Variants in NXPE3 observed in about 807,000 individuals in gnomAD.
NXPE3 encodes neurexophilin and PC-esterase domain family member 3.
Under a neutral mutation model 46.1 loss-of-function variants are expected in NXPE3, and 26 were observed. That is an observed-to-expected ratio of 0.56 (90% CI 0.41 to 0.78). NXPE3 has a LOEUF of 0.78. NXPE3 is among the 30% of genes least tolerant of loss of function. NXPE3 has a pLI of 0.00. For missense variants in NXPE3, 620 were observed against 686.0 expected, an observed-to-expected ratio of 0.90 and a Z score of 1.07; for synonymous variants, 272 against 257.9, an observed-to-expected ratio of 1.05 and a Z score of -0.52.
At chr3:101,805,487 G>T (rs928285668) in intron 5 of NXPE3, among the ~76,000 whole-genome samples, 1 of 151,344 alleles carries the variant, frequency 6.6e-6, no homozygotes, top group Admixed American at 6.6e-5. Flanking sequence ...GGGGTGCGGT[G>T]CAGTGATCTC....
intron 1 of NXPE3, among the ~76,000 whole-genome samples, chr3:101,780,751 A>G (rs1939771130): frequency 6.6e-6 from 1 of 152,194 alleles, no homozygotes; most frequent in African/African-American, 2.4e-5. Flanking sequence ...TGTGACTTAT[A>G]TAACTGATTT....
At chr3:101,784,704 T>C (rs1200798911) in intron 3 of NXPE3, among the ~76,000 whole-genome samples, 2 of 152,320 alleles carry the variant, frequency 1.3e-5, no homozygotes, top group South Asian at 2.1e-4. Context: ...CACTGCTGAC[T>C]CTGAAGTCCT....
chr3:101,798,935 T>G (rs1940993682), intron 4 of NXPE3, among the ~76,000 whole-genome samples: 1 of 152,014 alleles, frequency 6.6e-6, no homozygotes, highest in Non-Finnish European at 1.5e-5. Flanking sequence ...TTAATTTATA[T>G]TTATTTATTT....
In NXPE3 at chr3:101,827,507, G is replaced by C. The variant is rs1470460368; in HGVS notation, c.*5553G>C. On this transcript the variant is annotated 3_prime_UTR_variant, in exon 8 of 8. Coordinates refer to ENST00000273347, the MANE Select transcript of NXPE3 (RefSeq NM_145037.4). ...GTATTGTAAAAGCTATATGGTAAAA[G>C]GTAACTCCCTCCACCCGCCCACTGC... 1 of 152,320 alleles carries C rather than the reference G, an allele frequency of 6.6e-6. No homozygotes were observed. Among genetic ancestry groups the C allele is most frequent in the East Asian group, 1.9e-4 (1 of 5,180 alleles). 9.4% of individuals were successfully genotyped at this position (152,320 alleles called of 1,614,324 possible).
At chr3:101,820,356 T>A (rs1014015500) in intron 7 of NXPE3, among the ~76,000 whole-genome samples, 3 of 152,110 alleles carry the variant, frequency 2.0e-5, no homozygotes, top group Non-Finnish European at 4.4e-5. Flanking sequence ...GAATGGCTAT[T>A]ATTAAAAAGC....
chr3:101,789,314 CA>C (rs1250620644), intron 4 of NXPE3, among the ~76,000 whole-genome samples: 1 of 152,142 alleles, frequency 6.6e-6, no homozygotes, highest in Non-Finnish European at 1.5e-5. Context: ...GAGGCTGAGA[CA>C]GGAGGATCAC....
intron 4 of NXPE3, 96 bp from the exon 5 acceptor site, chr3:101,801,139 A>G: frequency 1.5e-6 from 2 of 1,313,518 alleles, no homozygotes; most frequent in Non-Finnish European, 2.1e-6. Context: ...TCCTGGAGCT[A>G]AAACTCACAG....
Position 101,826,991 on chromosome 3 carries a change from C to G in NXPE3, c.*5037C>G, listed in dbSNP as rs892010941. 4.6e-5 allele frequency: 7 copies of G among 152,242 alleles called. No homozygotes were observed. The highest frequency in any genetic ancestry group is 1.0e-4 in the Non-Finnish European group (7 of 68,148). The allele number at this position is 152,242 out of a possible 1,614,324, so 9.4% of individuals were successfully genotyped here. ...GAGGTTGCAGTGAGCCGAGATCATGCCATTGCACTCTAGCCTGGGCAACGA... is the reference window on the plus strand; with the variant it reads ...GAGGTTGCAGTGAGCCGAGATCATGGCATTGCACTCTAGCCTGGGCAACGA... On this transcript the variant is annotated 3_prime_UTR_variant, in exon 8 of 8. Transcript: ENST00000273347.
At chr3:101,785,763 A>T (rs1205046406) in intron 4 of NXPE3, 74 bp downstream of exon 4, 33 of 1,267,246 alleles carry the variant, frequency 2.6e-5, no homozygotes, top group Non-Finnish European at 3.7e-5. Context: ...GCCTGGGAAA[A>T]CGTTGGTTAT....
At position 101,824,070 on chromosome 3, in the gene NXPE3, C is replaced by T. The variant is rs911218234; in HGVS notation, c.*2116C>T. On this transcript the variant is annotated 3_prime_UTR_variant, in exon 8 of 8. Coordinates refer to ENST00000273347, the MANE Select transcript of NXPE3 (RefSeq NM_145037.4). ...GAGCCTTGATTGTGCCACTGTACTCCAGTCTGGGCAACAGGGCAAGACCCT... is the reference window on the plus strand; with the variant it reads ...GAGCCTTGATTGTGCCACTGTACTCTAGTCTGGGCAACAGGGCAAGACCCT... The T allele has an allele frequency of 6.8e-6, 1 of 147,956 alleles. No individual in the cohort carries two copies. The highest frequency in any genetic ancestry group is 1.5e-5 in the Non-Finnish European group (1 of 67,734). 9.2% of individuals were successfully genotyped at this position (147,956 alleles called of 1,614,324 possible).
chr3:101,815,763 C>T (rs985686011), intron 6 of NXPE3, among the ~76,000 whole-genome samples: 4 of 152,004 alleles, frequency 2.6e-5, no homozygotes, highest in Admixed American at 1.3e-4. Context: ...CTTTGGGAGG[C>T]CGAGGTGGGT....
intron 5 of NXPE3, among the ~76,000 whole-genome samples, chr3:101,806,196 C>G (rs527728109): frequency 5.3e-5 from 8 of 152,118 alleles, no homozygotes; most frequent in Non-Finnish European, 1.2e-4. Flanking sequence ...ACAGTTTTTT[C>G]TGAAATTGAT....
intron 3 of NXPE3, among the ~76,000 whole-genome samples, chr3:101,784,151 A>C (rs1402766428): frequency 6.6e-6 from 1 of 152,210 alleles, no homozygotes; most frequent in African/African-American, 2.4e-5. Context: ...GTAAAGAACT[A>C]AGTACCTTGA....
At chr3:101,812,208 A>G (rs1941742872) in intron 6 of NXPE3, among the ~76,000 whole-genome samples, 1 of 152,206 alleles carries the variant, frequency 6.6e-6, no homozygotes, top group Non-Finnish European at 1.5e-5. Flanking sequence ...AAGCTATTTT[A>G]TTTTTAAAAA....
Position 101,812,539 on chromosome 3 carries a change from C to T in NXPE3, c.923-4256C>T, listed in dbSNP as rs114866655. The stretch of plus-strand genomic sequence containing the variant: ...TTTAAAAGGTATTTCGACGGCCGGG[C>T]GCAGTGGCTCATGCCTGTAATCCCA... On this transcript the variant is annotated intron_variant, in intron 6 of 7. Coordinates refer to ENST00000273347, the MANE Select transcript of NXPE3 (RefSeq NM_145037.4). 6.8e-3 allele frequency among the ~76,000 whole-genome samples: 1,028 copies of T among 151,984 alleles called. 16 individuals carry two copies. Among genetic ancestry groups the T allele is most frequent in the African/African-American group, 0.023 (957 of 41,478 alleles).
At chr3:101,785,296 T>G (rs1940089925) in intron 3 of NXPE3, 106 bp from the exon 4 acceptor site, 1 of 256,464 alleles carries the variant, frequency 3.9e-6, no homozygotes, top group South Asian at 5.6e-5. Context: ...TCCTTGTGAC[T>G]TTGGGCCTTA....
chr3:101,813,456 C>T (rs1327108102), intron 6 of NXPE3, among the ~76,000 whole-genome samples: 2 of 151,904 alleles, frequency 1.3e-5, no homozygotes, highest in South Asian at 2.1e-4. Flanking sequence ...TCGTTTTGTT[C>T]CATCTTTGGC....
In NXPE3 at chr3:101,801,864, C is replaced by A. The variant is rs1217187419; in HGVS notation, c.723C>A (p.Leu241=). ...TGCCCCTGTGTAACTTTACAGACCT[C>A]TACACTGGGGAGCCCTGGTTCTGCT... is the stretch of plus-strand genomic sequence containing the variant. ...GNLPLCNFTD[L]YTGEPWFCFK... The change falls in exon 5 of 8, where the codon CTC becomes CTA. Residue 241 remains leucine (L), a synonymous_variant. Transcript: ENST00000273347. 3.7e-6 allele frequency: 6 copies of A among 1,614,210 alleles called. No individual in the cohort carries two copies. The South Asian group carries it at 6.6e-5, about 18-fold the overall frequency.
intron 6 of NXPE3, among the ~76,000 whole-genome samples, chr3:101,807,397 G>A (rs1475627579): frequency 6.6e-6 from 1 of 152,014 alleles, no homozygotes; most frequent in East Asian, 1.9e-4. Flanking sequence ...TTTACTCACT[G>A]CAGCCTTGAT....
Sources: gnomAD v4.1 joint callset for allele counts (sites outside exome capture counted in the v4.1 genomes callset) on GRCh38, gnomAD v4.1.1 for gene constraint, MANE v1.5 for transcripts, NCBI Gene and HGNC (gene_info 2026-07-23, HGNC 2026-07-21) for gene names.